Variants in SRGAP2C observed in about 807,000 individuals in gnomAD.
SRGAP2C encodes the protein SLIT-ROBO Rho GTPase-activating protein 2C.
SRGAP2C carries 15 observed loss-of-function variants against 25.1 expected under a neutral mutation model. The observed-to-expected ratio is 0.60, with a 90% CI of 0.40 to 0.92. The LOEUF is 0.92. Among genes scored for constraint, SRGAP2C ranks in the 40% least tolerant of loss-of-function variants. SRGAP2C has a pLI of 0.00. For missense variants in SRGAP2C, 144 were observed against 264.4 expected, an observed-to-expected ratio of 0.54 and a Z score of 3.16; for synonymous variants, 44 against 96.6, an observed-to-expected ratio of 0.46 and a Z score of 3.19.
intron 2 of SRGAP2C, among the ~76,000 whole-genome samples, chr1:121,265,005 TG>T (rs1331690779): frequency 1.9e-5 from 2 of 105,170 alleles, no homozygotes; most frequent in African/African-American, 7.6e-5. Flanking sequence ...AAGACCAACC[TG>T]GCCAACATGG....
intron 2 of SRGAP2C, among the ~76,000 whole-genome samples, chr1:121,222,493 G>T (rs1655554326): frequency 6.6e-6 from 1 of 152,108 alleles, no homozygotes; most frequent in Admixed American, 6.5e-5. Flanking sequence ...GCTGGACTTG[G>T]TGGCGCCCAA....
chr1:121,293,513 A>T (rs1251866983), intron 3 of SRGAP2C, among the ~76,000 whole-genome samples: 2 of 150,520 alleles, frequency 1.3e-5, no homozygotes, highest in East Asian at 4.0e-4. Context: ...ATGTGGGCTG[A>T]AACTGAGGTC....
intron 3 of SRGAP2C, among the ~76,000 whole-genome samples, chr1:121,309,387 T>C (rs1657927249): frequency 6.9e-6 from 1 of 144,214 alleles, no homozygotes; most frequent in African/African-American, 2.6e-5. Context: ...GATAATTCCA[T>C]ATAATATATC....
chr1:121,351,364 CT>C (rs1658899504), intron 4 of SRGAP2C, among the ~76,000 whole-genome samples: 1 of 152,078 alleles, frequency 6.6e-6, no homozygotes, highest in Non-Finnish European at 1.5e-5. Context: ...AATCCTAGCA[CT>C]TTGGGAGGCT....
intron 4 of SRGAP2C, chr1:121,360,098 G>T (rs1202790372): frequency 6.6e-6 from 1 of 151,958 alleles, no homozygotes; most frequent in Non-Finnish European, 1.5e-5. Context: ...CACCGCGAAG[G>T]TCCACAGCTT....
intron 3 of SRGAP2C, among the ~76,000 whole-genome samples, chr1:121,288,040 G>T (rs1352848118): frequency 1.4e-5 from 2 of 143,146 alleles, no homozygotes; most frequent in Non-Finnish European, 3.0e-5. Flanking sequence ...TGTGGAAGGG[G>T]ACCCGAGCGG....
intron 7 of SRGAP2C, among the ~76,000 whole-genome samples, chr1:121,378,005 G>A (rs1659712011): frequency 6.6e-6 from 1 of 152,138 alleles, no homozygotes; most frequent in Non-Finnish European, 1.5e-5. Context: ...AAAAGTGTTA[G>A]TGAGCCATTG....
chr1:121,355,305 C>CTTTTTTT (rs1203362201), intron 4 of SRGAP2C, among the ~76,000 whole-genome samples: 1 of 37,270 alleles, frequency 2.7e-5, no homozygotes, highest in African/African-American at 1.1e-4. Context: ...GATACACATT[C>CTTTTTTT]TTTTTTTTTT....
chr1:121,294,593 T>TG (rs1657557638), intron 3 of SRGAP2C, among the ~76,000 whole-genome samples: 18 of 84,830 alleles, frequency 2.1e-4, no homozygotes, highest in African/African-American at 2.8e-4. Flanking sequence ...ATTGGCTGTT[T>TG]TTTTTTTTTT....
At chr1:121,208,720 C>T (rs1344536129) in intron 2 of SRGAP2C, among the ~76,000 whole-genome samples, 4 of 151,554 alleles carry the variant, frequency 2.6e-5, no homozygotes, top group East Asian at 1.9e-4. Flanking sequence ...TTCTGTTTAT[C>T]GTTGTTTTCT....
At chr1:121,357,273 A>G (rs1399514773) in intron 4 of SRGAP2C, among the ~76,000 whole-genome samples, 4 of 139,368 alleles carry the variant, frequency 2.9e-5, no homozygotes, top group Admixed American at 1.4e-4. Context: ...ATTTCACTGA[A>G]CCAGAACTTG....
intron 2 of SRGAP2C, among the ~76,000 whole-genome samples, chr1:121,217,237 C>T (rs1380311978): frequency 6.6e-6 from 1 of 151,384 alleles, no homozygotes; most frequent in African/African-American, 2.4e-5. Context: ...ATTGAGGATC[C>T]CATCAGTTTT....
At chr1:121,370,679 C>T (rs1357318554) in intron 5 of SRGAP2C, among the ~76,000 whole-genome samples, 7 of 152,248 alleles carry the variant, frequency 4.6e-5, no homozygotes, top group Admixed American at 6.5e-5. Flanking sequence ...CTCCTGACCT[C>T]GTAATCCGCC....
intron 2 of SRGAP2C, among the ~76,000 whole-genome samples, chr1:121,208,245 G>T (rs1383243171): frequency 4.6e-5 from 7 of 152,162 alleles, no homozygotes; most frequent in African/African-American, 7.2e-5. Flanking sequence ...GCTCAAGTAT[G>T]TTTGTTAAAG....
At chr1:121,191,646 G>T (rs1553319785) in intron 2 of SRGAP2C, among the ~76,000 whole-genome samples, 1 of 151,518 alleles carries the variant, frequency 6.6e-6, no homozygotes, top group African/African-American at 2.4e-5. Context: ...TGGTTACCAG[G>T]GTTGTGAATC....
intron 2 of SRGAP2C, among the ~76,000 whole-genome samples, chr1:121,221,927 T>C (rs1553325716): frequency 3.9e-5 from 6 of 152,072 alleles, no homozygotes; most frequent in Non-Finnish European, 8.8e-5. Context: ...AATGCTAGCG[T>C]CCTAGCCATG....
chr1:121,314,781 G>A (rs1356308718), intron 3 of SRGAP2C, among the ~76,000 whole-genome samples: 92,193 of 151,102 alleles, frequency 0.61, 28,402 homozygotes, highest in East Asian at 0.79. Flanking sequence ...CAGTCTGCCC[G>A]TTCTCAGATC....
intron 4 of SRGAP2C, among the ~76,000 whole-genome samples, chr1:121,339,164 A>G (rs1242512860): frequency 6.6e-6 from 1 of 151,154 alleles, no homozygotes; most frequent in African/African-American, 2.4e-5. Flanking sequence ...CTTCTTTTAA[A>G]TGTTGCCTAT....
At chr1:121,374,544 G>A (rs1659586921) in intron 6 of SRGAP2C, among the ~76,000 whole-genome samples, 1 of 152,090 alleles carries the variant, frequency 6.6e-6, no homozygotes, top group Admixed American at 6.5e-5. Flanking sequence ...AAGAGTAGTG[G>A]TACCTCCTTC....
Sources: gnomAD v4.1 joint callset for allele counts (sites outside exome capture counted in the v4.1 genomes callset) on GRCh38, gnomAD v4.1.1 for gene constraint, MANE v1.5 for transcripts, NCBI Gene and HGNC (gene_info 2026-07-23, HGNC 2026-07-21) for gene names.